ANKS1A: variants seen among roughly 807,000 people sequenced by gnomAD.
The protein encoded by ANKS1A is ankyrin repeat and sterile alpha motif domain containing 1A.
In ANKS1A, 55 loss-of-function variants were observed where a neutral mutation model predicts 120.3. The observed-to-expected ratio is 0.46, with a 90% CI of 0.37 to 0.57. The LOEUF (loss-of-function observed/expected upper bound fraction) is 0.57. ANKS1A is among the 20% of genes least tolerant of loss of function. The pLI is 0.00. For synonymous variants in ANKS1A, 590 were observed against 604.7 expected (o/e 0.98, Z 0.36); for missense variants, 1,123 against 1,480.3 (o/e 0.76, Z 3.96).
At position 34,981,908 on chromosome 6, in the gene ANKS1A, T is replaced by C. The variant is rs1771924729; in HGVS notation, c.654T>C (p.Pro218=). The C allele has an allele frequency of 6.2e-7, 1 of 1,614,142 alleles. No individual in the cohort carries two copies. Among genetic ancestry groups the C allele is most frequent in the Non-Finnish European group, 8.5e-7 (1 of 1,180,016 alleles). ...LLSCNTKKHT[P]LHLAARNGHK... ...GCTGCAACACTAAGAAGCACACCCC[T>C]CTGCACTTGGCAGCAAGGAATGGCC... is the stretch of plus-strand genomic sequence containing the variant. The change falls in exon 4 of 24, where the codon CCT becomes CCC. Residue 218 remains proline (P), a synonymous_variant. Coordinates refer to ENST00000360359, the MANE Select transcript of ANKS1A (RefSeq NM_015245.3).
At chr6:35,059,611 T>C (rs1173547767) in intron 12 of ANKS1A, among the ~76,000 whole-genome samples, 1 of 152,222 alleles carries the variant, frequency 6.6e-6, no homozygotes, top group East Asian at 1.9e-4. Flanking sequence ...TGAAGATGTG[T>C]GCTCTCTCCT....
At chr6:34,923,776 T>G (rs1419779745) in intron 1 of ANKS1A, among the ~76,000 whole-genome samples, 2 of 152,142 alleles carry the variant, frequency 1.3e-5, no homozygotes, top group Non-Finnish European at 2.9e-5. Context: ...TGAATTCAGA[T>G]GGAGAGAGGA....
intron 17 of ANKS1A, 24 bp downstream of exon 17, chr6:35,081,182 C>T: frequency 1.9e-6 from 3 of 1,590,362 alleles, no homozygotes; most frequent in Non-Finnish European, 2.6e-6. Flanking sequence ...AGTGGAGGTG[C>T]AGCCAGGCTC....
intron 13 of ANKS1A, among the ~76,000 whole-genome samples, chr6:35,067,088 A>C (rs1270676703): frequency 6.6e-6 from 1 of 152,130 alleles, no homozygotes; most frequent in Non-Finnish European, 1.5e-5. Flanking sequence ...GGTACTGGGA[A>C]AGCCCTCGCC....
intron 1 of ANKS1A, among the ~76,000 whole-genome samples, chr6:34,894,896 A>G (rs1008753228): frequency 1.3e-5 from 2 of 152,224 alleles, no homozygotes; most frequent in Non-Finnish European, 2.9e-5. Flanking sequence ...AGAAAAGAGG[A>G]AGCCAAGGAG....
At chr6:35,095,849 AT>A (rs1490050574), downstream of ANKS1A, among the ~76,000 whole-genome samples, 2 of 152,128 alleles carry the variant, frequency 1.3e-5, no homozygotes, top group African/African-American at 2.4e-5. Context: ...CACCGTTGTT[AT>A]TGATCCTTGT....
intron 16 of ANKS1A, 43 bp from the exon 17 acceptor site, chr6:35,080,951 G>A: frequency 6.3e-7 from 1 of 1,594,920 alleles, no homozygotes; most frequent in Non-Finnish European, 8.6e-7. Context: ...GTCGGGCACT[G>A]GGCCGAGGGT....
At position 35,044,714 on chromosome 6, in the gene ANKS1A, G is replaced by C. The variant is rs984015717; in HGVS notation, c.2011-9385G>C. On this transcript the variant is annotated intron_variant, in intron 11 of 23. Coordinates refer to ENST00000360359, the MANE Select transcript of ANKS1A (RefSeq NM_015245.3). This position sits in a 1 kb window ranked among gnomAD's most constrained non-coding sequence, Gnocchi z 4.4. The stretch of plus-strand genomic sequence containing the variant: ...TCTAAACGTTCTCTGCCAAAAGGAA[G>C]CCCTTTCCCTCTGGTGTATCTTTTA... Among the ~76,000 whole-genome samples, 3 of 152,226 alleles carry C rather than the reference G, an allele frequency of 2.0e-5. No individual in the cohort carries two copies. Among genetic ancestry groups the C allele is most frequent in the South Asian group, 2.1e-4 (1 of 4,832 alleles).
At chr6:34,950,914 T>G (rs1169217823) in intron 1 of ANKS1A, among the ~76,000 whole-genome samples, 3 of 152,170 alleles carry the variant, frequency 2.0e-5, no homozygotes, top group African/African-American at 7.2e-5. Flanking sequence ...CTAGAGGGCT[T>G]TGAGGAGCCT....
intron 3 of ANKS1A, chr6:34,972,604 C>T (rs1278406528): frequency 1.0e-6 from 1 of 985,344 alleles, no homozygotes; most frequent in Non-Finnish European, 1.2e-6. Context: ...TCAAAGAACT[C>T]AAAAAGTACG....
chr6:35,042,616 A>G (rs1775519366), intron 11 of ANKS1A, among the ~76,000 whole-genome samples: 1 of 152,214 alleles, frequency 6.6e-6, no homozygotes. Context: ...TGGTACAGCC[A>G]GGCTGCCTCT....
At chr6:35,001,067 A>G (rs1418046360) in intron 10 of ANKS1A, among the ~76,000 whole-genome samples, 1 of 152,230 alleles carries the variant, frequency 6.6e-6, no homozygotes, top group Admixed American at 6.5e-5. Context: ...TCAAACATGA[A>G]AAATTGGATA....
intron 11 of ANKS1A, among the ~76,000 whole-genome samples, chr6:35,033,127 A>G (rs1463409290): frequency 6.6e-6 from 1 of 152,260 alleles, no homozygotes; most frequent in African/African-American, 2.4e-5. Context: ...TCTAAGTATC[A>G]TATACGTAAG....
In ANKS1A at chr6:35,083,130, G is replaced by C. The variant is rs1777779374; in HGVS notation, c.2836-25G>C. On this transcript the variant is annotated intron_variant, in intron 18 of 23. Transcript: ENST00000360359. The stretch of plus-strand genomic sequence containing the variant: ...TGCATGGAAACGCAGGATTTCCTAA[G>C]CCTGGCCACTGCTCGCCCCCACAGT... 1.9e-6 allele frequency: 3 copies of C among 1,612,784 alleles called. No individual in the cohort carries two copies. In the African/African-American group the frequency reaches 4.0e-5, roughly 22 times the overall value.
At chr6:34,916,083 C>G (rs1364043303) in intron 1 of ANKS1A, among the ~76,000 whole-genome samples, 1 of 151,184 alleles carries the variant, frequency 6.6e-6, no homozygotes, top group Non-Finnish European at 1.5e-5. Flanking sequence ...ACCTCCACCT[C>G]CCGGGTACAA....
chr6:35,040,649 C>A (rs1471943753), intron 11 of ANKS1A, among the ~76,000 whole-genome samples: 1 of 152,236 alleles, frequency 6.6e-6, no homozygotes. Flanking sequence ...TCTTATTGAT[C>A]ATTTCCTTCA....
downstream of ANKS1A, among the ~76,000 whole-genome samples, chr6:35,093,491 T>G (rs1778370183): frequency 6.6e-6 from 1 of 152,142 alleles, no homozygotes; most frequent in Admixed American, 6.5e-5. Flanking sequence ...TTAAAAAGGA[T>G]TAATATATTT....
intron 1 of ANKS1A, among the ~76,000 whole-genome samples, chr6:34,925,012 T>G (rs1686677730): frequency 6.6e-6 from 1 of 152,244 alleles, no homozygotes. Context: ...AAGACTAATT[T>G]TTTAAAACAG....
chr6:34,891,633 C>CTTT (rs879928079), intron 1 of ANKS1A, among the ~76,000 whole-genome samples: 8 of 146,664 alleles, frequency 5.5e-5, no homozygotes, highest in Non-Finnish European at 1.2e-4. Flanking sequence ...TCAAATTATT[C>CTTT]TTTTTTTTTT....
Sources: allele counts gnomAD v4.1 joint callset (sites outside exome capture counted in the v4.1 genomes callset), GRCh38; gene constraint gnomAD v4.1.1; non-coding constraint Gnocchi (gnomAD v3.1); transcripts MANE v1.5; gene names NCBI Gene and HGNC (gene_info 2026-07-23, HGNC 2026-07-21).